The following PPP2R3B variants were observed in gnomAD, a reference collection of about 807,000 sequenced individuals.
PPP2R3B encodes protein phosphatase 2 regulatory subunit B''beta.
Under a neutral mutation model 72.9 loss-of-function variants are expected in PPP2R3B, and 68 were observed. The observed-to-expected ratio is 0.93, with a 90% CI of 0.77 to 1.14. The LOEUF (loss-of-function observed/expected upper bound fraction) is 1.14. Among genes scored for constraint, PPP2R3B ranks in the 50% most tolerant of loss-of-function variants. The pLI, the probability that PPP2R3B is intolerant of heterozygous loss-of-function variation, is 0.00. For missense variants in PPP2R3B, 1,018 were observed against 842.0 expected (o/e 1.21, Z -2.59); for synonymous variants, 466 against 375.8 (o/e 1.24, Z -2.78).
intron 2 of PPP2R3B, among the ~76,000 whole-genome samples, chrX:353,854 C>A (rs867346894): frequency 2.1e-5 from 2 of 93,176 alleles, no homozygotes; most frequent in Non-Finnish European, 4.5e-5. Context: ...CGCCCAGGGA[C>A]CGGGGGCTCA....
In PPP2R3B at chrX:341,945, C is replaced by T. The variant is rs751978358; in HGVS notation, c.1037-14G>A. On this transcript the variant is annotated splice_polypyrimidine_tract_variant and intron_variant, in intron 7 of 12. Coordinates refer to ENST00000390665, the MANE Select transcript of PPP2R3B (RefSeq NM_013239.5). ...TGGTAGAAAGGGCTGGAAAGGAATG[C>T]GGTTGATGGGCAGCCCGCACCGTGC... 12 of 1,612,466 alleles carry T rather than the reference C, an allele frequency of 7.4e-6. No homozygotes were observed. The African/African-American group carries it at 9.3e-5, about 13-fold the overall frequency.
chrX:384,675 A>G (rs1198627101), intron 1 of PPP2R3B, among the ~76,000 whole-genome samples: 1 of 152,064 alleles, frequency 6.6e-6, no homozygotes, highest in Non-Finnish European at 1.5e-5. Context: ...CCGTAACTAC[A>G]GCTTTGACTG....
At chrX:373,367 G>A (rs1166634790) in intron 1 of PPP2R3B, among the ~76,000 whole-genome samples, 1 of 152,166 alleles carries the variant, frequency 6.6e-6, no homozygotes, top group Non-Finnish European at 1.5e-5. Context: ...GGTCCCCTGC[G>A]CCCACAACTG....
intron 1 of PPP2R3B, among the ~76,000 whole-genome samples, chrX:381,927 GAC>G (rs1194229616): frequency 1.3e-5 from 2 of 152,130 alleles, no homozygotes. Flanking sequence ...CCAATGAACA[GAC>G]ACATCTTTCT....
chrX:342,397 G>A (rs1231972753), intron 7 of PPP2R3B, among the ~76,000 whole-genome samples: 1 of 118,470 alleles, frequency 8.4e-6, no homozygotes, highest in African/African-American at 3.1e-5. Flanking sequence ...CTCAGCAACG[G>A]GAGGCGGGAG....
intron 2 of PPP2R3B, among the ~76,000 whole-genome samples, chrX:356,269 G>A (rs1349583651): frequency 2.0e-5 from 3 of 152,202 alleles, no homozygotes; most frequent in Admixed American, 1.3e-4. Context: ...AGGCTGGAGT[G>A]CAGTGGTGCG....
chrX:374,656 T>G (rs1371430670), intron 1 of PPP2R3B, among the ~76,000 whole-genome samples: 6 of 152,140 alleles, frequency 3.9e-5, no homozygotes, highest in Admixed American at 3.3e-4. Context: ...CCTGCCAGGC[T>G]GAACGCTGTC....
chrX:358,409 C>G (rs777797013), intron 2 of PPP2R3B, among the ~76,000 whole-genome samples: 164 of 92,224 alleles, frequency 1.8e-3, no homozygotes, highest in Middle Eastern at 4.5e-3. Flanking sequence ...GCACCATGCT[C>G]TCCGCCTGCA....
intron 1 of PPP2R3B, among the ~76,000 whole-genome samples, chrX:374,689 C>T (rs1231393075): frequency 1.3e-5 from 2 of 152,146 alleles, no homozygotes; most frequent in East Asian, 1.9e-4. Context: ...CCCGGGTCCC[C>T]GATCAGGAAG....
chrX:386,461 G>C lies in PPP2R3B; in HGVS notation c.231C>G (p.Pro77=), dbSNP rs752632646. Residue 77 remains proline (P), a synonymous_variant, in exon 1 of 13, where the codon CCC becomes CCG. Coordinates refer to ENST00000390665, the MANE Select transcript of PPP2R3B (RefSeq NM_013239.5). ...CCAGGGGCAGCGCAGGGCCCGGCCC[G>C]GGGGTTCCCGGGGGTTCGAGCCCGC... ...RPSGLEPPGT[P]GPGPALPLGA... 1 of 1,286,696 alleles carries C rather than the reference G, an allele frequency of 7.8e-7. No individual in the cohort carries two copies. The highest frequency in any genetic ancestry group is 3.2e-5 in the South Asian group (1 of 30,824). 79.7% of individuals were successfully genotyped at this position (1,286,696 alleles called of 1,614,324 possible).
chrX:386,794 C>T lies in PPP2R3B; in HGVS notation c.-103G>A, dbSNP rs1162370835. On this transcript the variant is annotated 5_prime_UTR_variant, in exon 1 of 13. Transcript: ENST00000390665. ...ACCTCGGTGATGCGAGCACGGCCCGCTGAGGGGGCGCGGCGCAGGGAACAG... is the reference window on the plus strand; with the variant it reads ...ACCTCGGTGATGCGAGCACGGCCCGTTGAGGGGGCGCGGCGCAGGGAACAG... 4.5e-5 allele frequency: 30 copies of T among 663,030 alleles called. No homozygotes were observed. Among genetic ancestry groups the T allele is most frequent in the Non-Finnish European group, 5.6e-5 (28 of 497,072 alleles). 41.1% of individuals were successfully genotyped at this position (663,030 alleles called of 1,614,324 possible). A position where few individuals can be genotyped will look rare whatever the true frequency, so the allele number is the denominator to read the frequency against.
intron 2 of PPP2R3B, among the ~76,000 whole-genome samples, chrX:350,512 G>A (rs939021235): frequency 6.6e-6 from 1 of 151,928 alleles, no homozygotes; most frequent in African/African-American, 2.4e-5. Context: ...AGAATTTTAA[G>A]CATCAGTGAG....
At chrX:351,086 G>A (rs142590499) in intron 2 of PPP2R3B, among the ~76,000 whole-genome samples, 1 of 152,148 alleles carries the variant, frequency 6.6e-6, no homozygotes, top group African/African-American at 2.4e-5. Context: ...GAAAGGACGC[G>A]CTCCGGCTGG....
rs1048994525 is a variant in PPP2R3B, at chrX:338,271, T to A, written c.1577+333A>T. The A allele has an allele frequency of 1.9e-5, 9 of 478,398 alleles. No individual in the cohort carries two copies. In the Middle Eastern group the frequency reaches 1.7e-3, roughly 92 times the overall value. 29.6% of individuals were successfully genotyped at this position (478,398 alleles called of 1,614,324 possible). On this transcript the variant is annotated intron_variant, in intron 12 of 12. Coordinates refer to ENST00000390665, the MANE Select transcript of PPP2R3B (RefSeq NM_013239.5). ...CGGGCCCTGCAGCCTGCCCAGCAGG[T>A]GCCAGCCGTGGGATAAGGACAGACG...
chrX:351,266 G>A (rs945512271), intron 2 of PPP2R3B, among the ~76,000 whole-genome samples: 97 of 152,224 alleles, frequency 6.4e-4, no homozygotes, highest in African/African-American at 2.2e-3. Context: ...GTGCAGCACC[G>A]GGTCCTTGGG....
chrX:367,296 T>C (rs754096898), intron 1 of PPP2R3B, among the ~76,000 whole-genome samples: 6 of 151,804 alleles, frequency 4.0e-5, no homozygotes, highest in African/African-American at 1.5e-4. Flanking sequence ...AAACAACGTA[T>C]GTTCAATTAA....
chrX:356,956 A>AG (rs2071451011), intron 2 of PPP2R3B, among the ~76,000 whole-genome samples: 5 of 101,734 alleles, frequency 4.9e-5, no homozygotes, highest in African/African-American at 2.4e-4. Context: ...CAGTATCCAC[A>AG]CCACAGGACT....
chrX:338,779 C>G lies in PPP2R3B; in HGVS notation c.1469G>C (p.Arg490Thr). The change falls in exon 11 of 13, where the codon AGG becomes ACG. Residue 490 changes from arginine (R) to threonine (T), a missense_variant and splice_region_variant. Physicochemically the swap from Arg to Thr is moderately conservative, Grantham distance 71. Coordinates refer to ENST00000390665, the MANE Select transcript of PPP2R3B (RefSeq NM_013239.5). Reference protein sequence around the residue: ...HEQKEQISLLRDGDSGGPELS... With the variant: ...HEQKEQISLLTDGDSGGPELS... ...GGCCCGCGTGCCCGCCGCACTCACC[C>G]TGAGCAGGGAGATCTGCTCTTTCTG... is the stretch of plus-strand genomic sequence containing the variant. 6.2e-7 allele frequency: 1 copy of G among 1,612,276 alleles called. No individual in the cohort carries two copies. The highest frequency in any genetic ancestry group is 1.1e-5 in the South Asian group (1 of 91,076).
intron 1 of PPP2R3B, among the ~76,000 whole-genome samples, chrX:364,588 G>GGC (rs1273362333): frequency 4.2e-5 from 4 of 96,068 alleles, no homozygotes; most frequent in Non-Finnish European, 9.1e-5. Flanking sequence ...TGTGGTGGAG[G>GGC]GTGCCTGTAC....
Sources: gnomAD v4.1 joint callset for allele counts (sites outside exome capture counted in the v4.1 genomes callset) on GRCh38, gnomAD v4.1.1 for gene constraint, MANE v1.5 for transcripts, NCBI Gene and HGNC (gene_info 2026-07-23, HGNC 2026-07-21) for gene names.